The following BBS5 variants were observed in gnomAD, a reference collection of about 807,000 sequenced individuals.
BBS5 encodes the protein Bardet-Biedl syndrome 5.
BBS5 carries 39 observed loss-of-function variants against 50.2 expected under a neutral mutation model. The observed-to-expected ratio is 0.78, with a 90% CI of 0.60 to 1.01. The LOEUF is 1.01. Ranked by LOEUF, BBS5 falls within the 50% of genes least tolerant of loss-of-function variation. The pLI, the probability that BBS5 is intolerant of heterozygous loss-of-function variation, is 0.00. For synonymous variants in BBS5, 134 were observed against 133.1 expected, an observed-to-expected ratio of 1.01 and a Z score of -0.05; for missense variants, 356 against 401.5, an observed-to-expected ratio of 0.89 and a Z score of 0.97.
intron 2 of BBS5, among the ~76,000 whole-genome samples, chr2:169,483,949 C>T (rs1407567878): frequency 6.6e-6 from 1 of 152,172 alleles, no homozygotes; most frequent in Admixed American, 6.5e-5. Flanking sequence ...AAGTCTCATA[C>T]AGATTGGCAG....
At chr2:169,481,036 T>G (rs1574334078) in intron 1 of BBS5, among the ~76,000 whole-genome samples, 1 of 152,204 alleles carries the variant, frequency 6.6e-6, no homozygotes, top group Non-Finnish European at 1.5e-5. Context: ...TTCAGTAACA[T>G]TAGTAAACAT....
intron 5 of BBS5, among the ~76,000 whole-genome samples, chr2:169,489,066 A>C (rs914818042): frequency 2.0e-5 from 3 of 151,992 alleles, no homozygotes. Flanking sequence ...GTCATAACTC[A>C]CTGAAGCCTC....
intron 2 of BBS5, 75 bp from the exon 3 acceptor site, chr2:169,486,994 C>T (rs1683496591): frequency 1.1e-6 from 1 of 927,510 alleles, no homozygotes; most frequent in Non-Finnish European, 1.8e-6. Flanking sequence ...CCAGAAGTTC[C>T]ATATCCATCT....
chr2:169,492,789 A>G (rs1250476118), intron 5 of BBS5, 85 bp from the exon 6 acceptor site: 3 of 1,167,532 alleles, frequency 2.6e-6, no homozygotes, highest in Non-Finnish European at 3.7e-6. Flanking sequence ...ATAAATACTA[A>G]CAACTACATA....
At chr2:169,486,181 A>G (rs1683485702) in intron 2 of BBS5, among the ~76,000 whole-genome samples, 1 of 152,194 alleles carries the variant, frequency 6.6e-6, no homozygotes, top group Non-Finnish European at 1.5e-5. Context: ...GTACAGACCT[A>G]GTTTCTCTGA....
At chr2:169,491,698 C>T (rs1482757004) in intron 5 of BBS5, among the ~76,000 whole-genome samples, 1 of 151,986 alleles carries the variant, frequency 6.6e-6, no homozygotes, top group Non-Finnish European at 1.5e-5. Context: ...CCTCTTTCCC[C>T]CTTCTCCCCT....
chr2:169,482,142 T>C, intron 1 of BBS5, 109 bp from the exon 2 acceptor site: 1 of 774,404 alleles, frequency 1.3e-6, no homozygotes, highest in South Asian at 1.4e-5. Context: ...TGGTACAGTA[T>C]TATTTATGCT....
At chr2:169,480,002 A>G (rs1465134461) in intron 1 of BBS5, among the ~76,000 whole-genome samples, 1 of 152,216 alleles carries the variant, frequency 6.6e-6, no homozygotes, top group Non-Finnish European at 1.5e-5. Context: ...TCAGGAAACT[A>G]GGGTTCTAAA....
chr2:169,498,540 G>T (rs182627874), intron 8 of BBS5, among the ~76,000 whole-genome samples: 232 of 152,148 alleles, frequency 1.5e-3, no homozygotes, highest in African/African-American at 5.1e-3. Flanking sequence ...TAAGGAGGCC[G>T]GGCGCAGTGG....
Position 169,499,725 on chromosome 2 carries a change from A to C in BBS5, c.816+105A>C, listed in dbSNP as rs1683764604. 6 of 1,195,178 alleles carry C rather than the reference A, an allele frequency of 5.0e-6. No homozygotes were observed. The South Asian group carries it at 7.4e-5, about 15-fold the overall frequency. 74.0% of individuals were successfully genotyped at this position (1,195,178 alleles called of 1,614,324 possible). A position where few individuals can be genotyped will look rare whatever the true frequency, so the allele number is the denominator to read the frequency against. On this transcript the variant is annotated intron_variant, in intron 9 of 11. Transcript: ENST00000295240. ...CCATTTAATTTTGAACTGTTTTTAA[A>C]ATGGTGAATATACAGATTCTGCTCA...
chr2:169,486,070 T>C (rs936810983), intron 2 of BBS5, among the ~76,000 whole-genome samples: 2 of 152,246 alleles, frequency 1.3e-5, no homozygotes, highest in African/African-American at 2.4e-5. Flanking sequence ...GGATTACTTA[T>C]TATTTGTCAA....
intron 5 of BBS5, among the ~76,000 whole-genome samples, chr2:169,492,449 C>T (rs528409002): frequency 8.1e-5 from 12 of 148,778 alleles, no homozygotes; most frequent in African/African-American, 2.5e-4. Context: ...AAGATTGCAC[C>T]ACTGCACTCC....
chr2:169,505,856 G>A lies in BBS5; in HGVS notation c.*1274G>A, dbSNP rs190566557. The A allele has an allele frequency of 0.023, 3,583 of 156,472 alleles. 147 individuals carry two copies. Among genetic ancestry groups the A allele is most frequent in the African/African-American group, 0.085 (3,386 of 40,032 alleles). The allele number at this position is 156,472 out of a possible 1,614,324, so 9.7% of individuals were successfully genotyped here. ...GGGTCAGTCCCCCGTCCGGCCAGCC[G>A]CCCCGTCCGGGAGGTGAGGGGCGCC... On this transcript the variant is annotated 3_prime_UTR_variant, in exon 12 of 12. Coordinates refer to ENST00000295240, the MANE Select transcript of BBS5 (RefSeq NM_152384.3).
In BBS5 at chr2:169,482,279, CTTA is replaced by C; in HGVS notation, c.91_93del (p.Ile31del). 4 of 1,610,512 alleles carry C rather than the reference CTTA, an allele frequency of 2.5e-6. No homozygotes were observed. Among genetic ancestry groups the C allele is most frequent in the Non-Finnish European group, 3.4e-6 (4 of 1,176,952 alleles). On this transcript the variant is annotated inframe_deletion, in exon 2 of 12. Coordinates refer to ENST00000295240, the MANE Select transcript of BBS5 (RefSeq NM_152384.3). ...AATGAAAACAAGACCTGGAGAAGTC[CTTA>C]TTGATTGTTTAGATTCCATTGAAGA...
Position 169,505,200 on chromosome 2 carries a change from G to T in BBS5, c.*618G>T. On this transcript the variant is annotated 3_prime_UTR_variant, in exon 12 of 12. Coordinates refer to ENST00000295240, the MANE Select transcript of BBS5 (RefSeq NM_152384.3). ...TCCAGCTCCTAACCGCGAGTGATCC[G>T]CCAGCCTCGGCCTCCCGAGGTGCCG... 1.9e-6 allele frequency: 1 copy of T among 528,196 alleles called. No individual in the cohort carries two copies. The highest frequency in any genetic ancestry group is 3.5e-6 in the Non-Finnish European group (1 of 288,966). The allele number at this position is 528,196 out of a possible 1,614,324, so 32.7% of individuals were successfully genotyped here. A position where few individuals can be genotyped will look rare whatever the true frequency, so the allele number is the denominator to read the frequency against.
chr2:169,498,928 T>C lies in BBS5; in HGVS notation c.682-558T>C, dbSNP rs1219087913. The C allele has an allele frequency of 1.9e-5, 3 of 154,648 alleles. No homozygotes were observed. In the East Asian group the frequency reaches 5.7e-4, roughly 30 times the overall value. 9.6% of individuals were successfully genotyped at this position (154,648 alleles called of 1,614,324 possible). On this transcript the variant is annotated intron_variant, in intron 8 of 11. Transcript: ENST00000295240. ...GCGTGTGCTCTTAACCCAGAACATA[T>C]ACTCTCACCTATTACAGTATGCTAC...
intron 5 of BBS5, among the ~76,000 whole-genome samples, chr2:169,489,777 G>A (rs1037902873): frequency 8.1e-6 from 1 of 124,146 alleles, no homozygotes; most frequent in African/African-American, 3.2e-5. Flanking sequence ...GTATATAATT[G>A]TTTAACTTGT....
chr2:169,495,873 G>A (rs1683682972), intron 7 of BBS5, among the ~76,000 whole-genome samples: 1 of 152,088 alleles, frequency 6.6e-6, no homozygotes, highest in South Asian at 2.1e-4. Flanking sequence ...TCCCAGGCTG[G>A]TCTCAAATTC....
chr2:169,503,262 C>A, intron 10 of BBS5, 84 bp downstream of exon 10: 1 of 1,089,046 alleles, frequency 9.2e-7, no homozygotes, highest in Non-Finnish European at 1.4e-6. Flanking sequence ...GTGTGAAACA[C>A]CATATAACTT....
Sources: gnomAD v4.1 joint callset for allele counts (sites outside exome capture counted in the v4.1 genomes callset) on GRCh38, gnomAD v4.1.1 for gene constraint, MANE v1.5 for transcripts, NCBI Gene and HGNC (gene_info 2026-07-23, HGNC 2026-07-21) for gene names.